Variants in TMEM201 observed in about 807,000 individuals in gnomAD.
TMEM201 encodes transmembrane protein 201, also known as RP13-15M17.2.
In TMEM201, 26 loss-of-function variants were observed where a neutral mutation model predicts 63.4. The ratio of observed to expected loss-of-function variants is 0.41; its 90% confidence interval spans 0.30 to 0.57. TMEM201 has a LOEUF of 0.57. TMEM201 is among the 20% of genes least tolerant of loss of function. TMEM201 has a pLI of 0.29. For missense variants in TMEM201, 794 were observed against 917.7 expected (o/e 0.87, Z 1.74); for synonymous variants, 417 against 421.6 (o/e 0.99, Z 0.14).
At chr1:9,611,972 G>C in intron 10 of TMEM201, 82 bp downstream of exon 10, 1 of 1,425,630 alleles carries the variant, frequency 7.0e-7, no homozygotes, top group East Asian at 2.5e-5. Flanking sequence ...CCAGAGCACT[G>C]ACAGAAAGAA....
Position 9,607,399 on chromosome 1 carries a change from C to T in TMEM201, c.1161-158C>T, listed in dbSNP as rs114356406. The stretch of plus-strand genomic sequence containing the variant: ...CCGCTCCTAATGGCGTGAATGTGGT[C>T]GGATTGCTTTTCTGCTTTAACTAAC... On this transcript the variant is annotated intron_variant, in intron 6 of 10. Transcript: ENST00000340381. This position sits in a 1 kb window ranked among gnomAD's most constrained non-coding sequence, Gnocchi z 5.4. Among the ~76,000 whole-genome samples the T allele has an allele frequency of 5.7e-3, 866 of 152,138 alleles. 7 individuals carry two copies. Among genetic ancestry groups the T allele is most frequent in the African/African-American group, 0.02 (814 of 41,502 alleles).
chr1:9,601,317 G>C lies in TMEM201; in HGVS notation c.819G>C (p.Gln273His), dbSNP rs1294105937. The C allele has an allele frequency of 1.2e-6, 2 of 1,609,544 alleles. No individual in the cohort carries two copies. Among genetic ancestry groups the C allele is most frequent in the South Asian group, 2.2e-5 (2 of 91,082 alleles). The change falls in exon 5 of 11, where the codon CAG becomes CAC. Residue 273 changes from glutamine to histidine, a missense_variant. Gln to His is a conservative substitution (Grantham distance 24, BLOSUM62 0). Transcript: ENST00000340381. ...GTTPGAEGWR[Q>H]LLGLLPEHMA... is the part of the protein sequence containing the mutation. Reference sequence around the variant, plus strand: ...CCCCTGGGGCCGAGGGCTGGCGGCAGTTGCTGGGCCTACTCCCCGAGCACA... The same window carrying C: ...CCCCTGGGGCCGAGGGCTGGCGGCACTTGCTGGGCCTACTCCCCGAGCACA...
rs370331457 is a variant in TMEM201 at position 9,596,854 on chromosome 1, C to T, written c.235-5C>T. On this transcript the variant is annotated splice_region_variant and splice_polypyrimidine_tract_variant and intron_variant, in intron 2 of 10. Transcript: ENST00000340381. ...CCTGCCTCGAGTCCCACCTCTCTCCCGCAGAACGGCGACTACAACAAGCCG... is the reference window on the plus strand; with the variant it reads ...CCTGCCTCGAGTCCCACCTCTCTCCTGCAGAACGGCGACTACAACAAGCCG... 32 of 1,580,248 alleles carry T rather than the reference C, an allele frequency of 2.0e-5. No individual in the cohort carries two copies. The African/African-American group carries it at 3.1e-4, about 15-fold the overall frequency.
rs1399448343 is a variant in TMEM201 at position 9,608,122 on chromosome 1, T to C, written c.1393+333T>C. On this transcript the variant is annotated intron_variant, in intron 7 of 10. Coordinates refer to ENST00000340381, the MANE Select transcript of TMEM201 (RefSeq NM_001130924.3). This position sits in a 1 kb window ranked among gnomAD's most constrained non-coding sequence, Gnocchi z 4.3. ...TGGGCATGGTGGCGTACACCTATAG[T>C]CCCAGCTATTTAGGCTGAGGTGGGA... Among the ~76,000 whole-genome samples the C allele has an allele frequency of 1.3e-5, 2 of 152,164 alleles. No individual in the cohort carries two copies. The highest frequency in any genetic ancestry group is 2.9e-5 in the Non-Finnish European group (2 of 68,012).
At chr1:9,602,781 G>A in intron 6 of TMEM201, 20 of 994,672 alleles carry the variant, frequency 2.0e-5, no homozygotes, top group Non-Finnish European at 2.3e-5. Flanking sequence ...TGGGGCAGCA[G>A]AGAGCCCCAG....
At chr1:9,595,793 C>A in intron 1 of TMEM201, 97 bp from the exon 2 acceptor site, 1 of 1,561,914 alleles carries the variant, frequency 6.4e-7, no homozygotes, top group Non-Finnish European at 8.7e-7. Context: ...CCACTCCCAG[C>A]ACCCTTTCCC....
At position 9,604,384 on chromosome 1, in the gene TMEM201, C is replaced by T. The variant is rs2100503963; in HGVS notation, c.1160+2112C>T. ...CAGCAGAGTGAGGATTCCTGCCTTT[C>T]GTAGAGTTTTGTGTGACTTTTTAAA... On this transcript the variant is annotated intron_variant, in intron 6 of 10. Transcript: ENST00000340381. This position sits in a 1 kb window ranked among gnomAD's most constrained non-coding sequence, Gnocchi z 4.1. The T allele has an allele frequency of 3.0e-6, 3 of 985,412 alleles. No individual in the cohort carries two copies. Among genetic ancestry groups the T allele is most frequent in the South Asian group, 4.7e-5 (1 of 21,292 alleles). 61.0% of individuals were successfully genotyped at this position (985,412 alleles called of 1,614,324 possible).
In TMEM201 at chr1:9,605,469, C is replaced by A. The variant is rs1241590579; in HGVS notation, c.1161-2088C>A. On this transcript the variant is annotated intron_variant, in intron 6 of 10. Transcript: ENST00000340381. This position sits in a 1 kb window ranked among gnomAD's most constrained non-coding sequence, Gnocchi z 5.7. Reference sequence around the variant, plus strand: ...CAGGGCAGTCGGGGGGGGTCTCTCGCCAAAGGAAATGTTAGCACCTTTGGA... The same window carrying A: ...CAGGGCAGTCGGGGGGGGTCTCTCGACAAAGGAAATGTTAGCACCTTTGGA... 6.6e-6 allele frequency among the ~76,000 whole-genome samples: 1 copy of A among 152,184 alleles called. No individual in the cohort carries two copies. The highest frequency in any genetic ancestry group is 2.4e-5 in the African/African-American group (1 of 41,450).
In TMEM201 at chr1:9,610,593, C is replaced by G; in HGVS notation, c.1553C>G (p.Ser518Cys). The G allele has an allele frequency of 6.4e-7, 1 of 1,550,516 alleles. No individual in the cohort carries two copies. Among genetic ancestry groups the G allele is most frequent in the Non-Finnish European group, 8.7e-7 (1 of 1,146,888 alleles). ...GTGGCCGGCTCGGTGGCCTCCAGCT[C>G]CGGCTCTCTGCGCCACCGCAGGCCC... ...PSVAGSVASS[S>C]GSLRHRRPLI... is the part of the protein sequence containing the mutation. Residue 518 changes from serine (S) to cysteine (C), a missense_variant, in exon 9 of 11, where the codon TCC becomes TGC. Transcript: ENST00000340381. The surrounding 1 kb of genome is among the most constrained non-coding windows in gnomAD (Gnocchi z 4.9).
rs374205652 is a variant in TMEM201 at position 9,614,738 on chromosome 1, C to A, written c.*1655C>A. ...GCCTGGCCTCTCCTGCCCAGACCTG[C>A]GGTCCCAGCATCCCCCAGAGCCAGG... On this transcript the variant is annotated 3_prime_UTR_variant, in exon 11 of 11. Transcript: ENST00000340381. The A allele has an allele frequency of 2.0e-5, 3 of 152,242 alleles. No homozygotes were observed. The allele number at this position is 152,242 out of a possible 1,614,324, so 9.4% of individuals were successfully genotyped here.
At position 9,604,549 on chromosome 1, in the gene TMEM201, TCTC is replaced by T. The variant is rs1644207945; in HGVS notation, c.1160+2281_1160+2283del. 4.1e-6 allele frequency: 4 copies of T among 985,310 alleles called. No homozygotes were observed. Among genetic ancestry groups the T allele is most frequent in the South Asian group, 9.4e-5 (2 of 21,294 alleles). 61.0% of individuals were successfully genotyped at this position (985,310 alleles called of 1,614,324 possible). A position where few individuals can be genotyped will look rare whatever the true frequency, so the allele number is the denominator to read the frequency against. ...TGTGTCACCCCTGCCAGGGAACTCT[TCTC>T]CTCGCGGGGGACTTGGGATGGCCAT... On this transcript the variant is annotated intron_variant, in intron 6 of 10. Transcript: ENST00000340381. The surrounding 1 kb of genome is among the most constrained non-coding windows in gnomAD (Gnocchi z 4.1).
chr1:9,598,746 A>T, intron 4 of TMEM201, 121 bp downstream of exon 4: 1 of 941,686 alleles, frequency 1.1e-6, no homozygotes, highest in Non-Finnish European at 1.5e-6. Flanking sequence ...CTTTATTTTT[A>T]TTTTATTTTA....
At chr1:9,592,822 C>G (rs1643944437) in intron 1 of TMEM201, among the ~76,000 whole-genome samples, 1 of 152,206 alleles carries the variant, frequency 6.6e-6, no homozygotes, top group Non-Finnish European at 1.5e-5. Context: ...CGGCATCGAG[C>G]TAGCAGGAGC....
chr1:9,590,857 G>A (rs981778652), intron 1 of TMEM201, among the ~76,000 whole-genome samples: 3 of 152,210 alleles, frequency 2.0e-5, no homozygotes, highest in Middle Eastern at 3.2e-3. Flanking sequence ...TTCCTCCGAG[G>A]AGGAGAGTGC....
At chr1:9,609,462 A>C (rs766167305) in intron 7 of TMEM201, among the ~76,000 whole-genome samples, 1 of 152,196 alleles carries the variant, frequency 6.6e-6, no homozygotes, top group Non-Finnish European at 1.5e-5. Context: ...CTGGAAAAGC[A>C]GGCCCTTCTG....
In TMEM201 at chr1:9,610,927, A is replaced by C; in HGVS notation, c.1765+122A>C. 1.3e-6 allele frequency: 2 copies of C among 1,489,618 alleles called. No individual in the cohort carries two copies. Among genetic ancestry groups the C allele is most frequent in the Non-Finnish European group, 1.8e-6 (2 of 1,112,898 alleles). 92.3% of individuals were successfully genotyped at this position (1,489,618 alleles called of 1,614,324 possible). A position where few individuals can be genotyped will look rare whatever the true frequency, so the allele number is the denominator to read the frequency against. On this transcript the variant is annotated intron_variant, in intron 9 of 10. Coordinates refer to ENST00000340381, the MANE Select transcript of TMEM201 (RefSeq NM_001130924.3). The surrounding 1 kb of genome is among the most constrained non-coding windows in gnomAD (Gnocchi z 4.9). ...TCCGGTGTGCGCCTTCCCACCCTGGAGCTCTAGGCACCCCATTCCGGCTCT... is the reference window on the plus strand; with the variant it reads ...TCCGGTGTGCGCCTTCCCACCCTGGCGCTCTAGGCACCCCATTCCGGCTCT...
In TMEM201 at chr1:9,612,335, C is replaced by T. The variant is rs750831514; in HGVS notation, c.1903+445C>T. Among the ~76,000 whole-genome samples, 10 of 152,178 alleles carry T rather than the reference C, an allele frequency of 6.6e-5. No individual in the cohort carries two copies. The South Asian group carries it at 8.3e-4, about 13-fold the overall frequency. On this transcript the variant is annotated intron_variant, in intron 10 of 10. Transcript: ENST00000340381. ...GTCACGCTGGGGCTGCAGCCTGCAC[C>T]GGGTGCCGAGCTGCCTGGCTCAGAT...
Position 9,596,023 on chromosome 1 carries a change from G to T in TMEM201, c.234+13G>T. 1 of 1,611,068 alleles carries T rather than the reference G, an allele frequency of 6.2e-7. No individual in the cohort carries two copies. The highest frequency in any genetic ancestry group is 8.5e-7 in the Non-Finnish European group (1 of 1,179,866). ...CGGCTTCCAGGAGGTGTGGGTCACA[G>T]GCAGGCGGACGGGTGGGCACGCGGG... On this transcript the variant is annotated intron_variant, in intron 2 of 10. Coordinates refer to ENST00000340381, the MANE Select transcript of TMEM201 (RefSeq NM_001130924.3).
Position 9,605,310 on chromosome 1 carries a change from C to T in TMEM201, c.1161-2247C>T, listed in dbSNP as rs1417499386. ...CAGGCCTGATCCTGGTCACTTAGTC[C>T]CTCTCTGACACTCCCCAGAGCCAGC... On this transcript the variant is annotated intron_variant, in intron 6 of 10. Transcript: ENST00000340381. This position sits in a 1 kb window ranked among gnomAD's most constrained non-coding sequence, Gnocchi z 5.7. Among the ~76,000 whole-genome samples the T allele has an allele frequency of 6.6e-6, 1 of 152,112 alleles. No individual in the cohort carries two copies. The highest frequency in any genetic ancestry group is 1.5e-5 in the Non-Finnish European group (1 of 68,010).
Sources: gnomAD v4.1 joint callset for allele counts (sites outside exome capture counted in the v4.1 genomes callset) on GRCh38, gnomAD v4.1.1 for gene constraint, Gnocchi (gnomAD v3.1) non-coding constraint, MANE v1.5 for transcripts, NCBI Gene and HGNC (gene_info 2026-07-23, HGNC 2026-07-21) for gene names.